The following NAALADL2 variants were observed in gnomAD, a reference collection of about 807,000 sequenced individuals.
NAALADL2 encodes inactive N-acetylated-alpha-linked acidic dipeptidase-like protein 2.
In NAALADL2, 76 loss-of-function variants were observed where a neutral mutation model predicts 87.2. The ratio of observed to expected loss-of-function variants is 0.87; its 90% CI spans 0.72 to 1.05. The LOEUF (loss-of-function observed/expected upper bound fraction) is 1.05, where lower values mean the gene tolerates loss of function less well. Ranked by LOEUF, NAALADL2 falls within the 50% of genes least tolerant of loss-of-function variation. The pLI, the probability that NAALADL2 is intolerant of heterozygous loss-of-function variation, is 0.00. For missense variants in NAALADL2, 1,089 were observed against 945.8 expected (o/e 1.15, Z -1.99); for synonymous variants, 354 against 331.0 (o/e 1.07, Z -0.75).
At chr3:175,694,479 G>A (rs913476229) in intron 11 of NAALADL2, among the ~76,000 whole-genome samples, 1 of 152,076 alleles carries the variant, frequency 6.6e-6, no homozygotes, top group Admixed American at 6.6e-5. Flanking sequence ...ACACAAGAGT[G>A]GTAAAAGAAT....
At chr3:175,758,984 CA>C (rs1185284521) in intron 13 of NAALADL2, among the ~76,000 whole-genome samples, 1 of 151,678 alleles carries the variant, frequency 6.6e-6, no homozygotes, top group Non-Finnish European at 1.5e-5. Flanking sequence ...GATCATGTCC[CA>C]AAAAAATATC....
chr3:174,865,006 G>T (rs1726970759), intron 1 of NAALADL2, among the ~76,000 whole-genome samples: 1 of 152,054 alleles, frequency 6.6e-6, no homozygotes. Context: ...GGAAAAGTAT[G>T]TGTCAATAGT....
At chr3:175,770,050 A>T (rs1749277075) in intron 13 of NAALADL2, among the ~76,000 whole-genome samples, 1 of 152,132 alleles carries the variant, frequency 6.6e-6, no homozygotes, top group African/African-American at 2.4e-5. Flanking sequence ...ATTTCCTTTA[A>T]AGTCAACTGA....
chr3:174,928,700 A>AT (rs1406065631), intron 1 of NAALADL2, among the ~76,000 whole-genome samples: 2 of 152,230 alleles, frequency 1.3e-5, no homozygotes, highest in Non-Finnish European at 2.9e-5. Context: ...AGGTCATCAC[A>AT]TTATAAAGTA....
At chr3:174,820,569 A>G (rs968765740) in intron 3 of NAALADL2, among the ~76,000 whole-genome samples, 1 of 152,168 alleles carries the variant, frequency 6.6e-6, no homozygotes, top group Non-Finnish European at 1.5e-5. Flanking sequence ...CTAAAAATGT[A>G]TATGGCATTT....
At chr3:174,567,329 A>C (rs911635469) in intron 2 of NAALADL2, among the ~76,000 whole-genome samples, 1 of 151,154 alleles carries the variant, frequency 6.6e-6, no homozygotes. Context: ...TTTGCATAAC[A>C]TATTTAATTT....
intron 2 of NAALADL2, among the ~76,000 whole-genome samples, chr3:174,561,448 C>G (rs979407097): frequency 6.6e-6 from 1 of 152,016 alleles, no homozygotes; most frequent in Non-Finnish European, 1.5e-5. Flanking sequence ...GATCCACCCT[C>G]CTCGGCCTCC....
chr3:175,019,625 T>C (rs989325987), intron 1 of NAALADL2, among the ~76,000 whole-genome samples: 2 of 151,972 alleles, frequency 1.3e-5, no homozygotes. Flanking sequence ...TTACCAGTGA[T>C]CTAATTTCAC....
At chr3:175,041,010 A>G (rs1754016919) in intron 1 of NAALADL2, among the ~76,000 whole-genome samples, 1 of 152,140 alleles carries the variant, frequency 6.6e-6, no homozygotes, top group Non-Finnish European at 1.5e-5. Context: ...TTTTTCTGTC[A>G]GCTTGAAAAG....
rs1553887808 is a variant in NAALADL2, at chr3:175,412,891, T to TTATTA, written c.1091-34337_1091-34336insATTAT. On this transcript the variant is annotated intron_variant, in intron 5 of 13. Transcript: ENST00000454872. ...GGAATCAGATTATTTATTTAATTTA[T>TTATTA]TTATTATTATTATTATTATTATTAT... Among the ~76,000 whole-genome samples, 28 of 123,008 alleles carry TTATTA rather than the reference T, an allele frequency of 2.3e-4. 1 individual carries two copies. Among genetic ancestry groups the TTATTA allele is most frequent in the South Asian group, 1.5e-3 (5 of 3,390 alleles). 80.7% of individuals were successfully genotyped at this position (123,008 alleles called of 152,430 possible). A position where few individuals can be genotyped will look rare whatever the true frequency, so the allele number is the denominator to read the frequency against.
At chr3:174,986,301 T>C (rs1305517548) in intron 1 of NAALADL2, among the ~76,000 whole-genome samples, 1 of 147,996 alleles carries the variant, frequency 6.8e-6, no homozygotes, top group Non-Finnish European at 1.5e-5. Context: ...ATATATATAA[T>C]ATATATACAC....
chr3:174,583,316 A>G (rs1323833005), intron 2 of NAALADL2, among the ~76,000 whole-genome samples: 1 of 152,174 alleles, frequency 6.6e-6, no homozygotes, highest in Non-Finnish European at 1.5e-5. Flanking sequence ...ATAATCACTA[A>G]AGTACCATGC....
At chr3:175,454,226 T>C (rs2149244519) in intron 6 of NAALADL2, among the ~76,000 whole-genome samples, 1 of 152,216 alleles carries the variant, frequency 6.6e-6, no homozygotes, top group Non-Finnish European at 1.5e-5. Flanking sequence ...GGTTTCTTCT[T>C]TGAATCACAT....
At chr3:174,567,725 A>AG (rs1263839475) in intron 2 of NAALADL2, among the ~76,000 whole-genome samples, 1 of 151,636 alleles carries the variant, frequency 6.6e-6, no homozygotes, top group African/African-American at 2.4e-5. Flanking sequence ...CAGTTTTGTC[A>AG]TTTATAAGAT....
chr3:175,720,966 TA>T (rs1400165307), intron 11 of NAALADL2, among the ~76,000 whole-genome samples: 1 of 152,086 alleles, frequency 6.6e-6, no homozygotes, highest in African/African-American at 2.4e-5. Context: ...AATGCAAGGA[TA>T]AAAGAACTAA....
intron 1 of NAALADL2, among the ~76,000 whole-genome samples, chr3:175,004,557 T>C (rs961095984): frequency 6.6e-6 from 1 of 151,984 alleles, no homozygotes; most frequent in Non-Finnish European, 1.5e-5. Flanking sequence ...TTGGTATTAA[T>C]GGTATGTCAT....
chr3:175,663,494 ATAAAACAACCTTATGTTTTGG>A (rs542933920), intron 11 of NAALADL2, among the ~76,000 whole-genome samples: 2,070 of 151,778 alleles, frequency 0.014, 53 homozygotes, highest in African/African-American at 0.047. Context: ...ATTTTTTTCA[ATAAAACAACCTTATGTTTTGG>A]TAATCTTTTC....
At chr3:175,457,477 G>A (rs1181530594) in intron 6 of NAALADL2, among the ~76,000 whole-genome samples, 3 of 152,020 alleles carry the variant, frequency 2.0e-5, no homozygotes, top group Non-Finnish European at 4.4e-5. Context: ...TCACTGATAC[G>A]TGTTGCCCAG....
At chr3:174,687,050 T>C (rs75520596) in intron 2 of NAALADL2, among the ~76,000 whole-genome samples, 2,860 of 152,154 alleles carry the variant, frequency 0.019, 95 homozygotes, top group African/African-American at 0.065. Context: ...CCACCCAGAA[T>C]GAAAGCCAGA....
Sources: gnomAD v4.1 joint callset for allele counts (sites outside exome capture counted in the v4.1 genomes callset) on GRCh38, gnomAD v4.1.1 for gene constraint, MANE v1.5 for transcripts, NCBI Gene and HGNC (gene_info 2026-07-23, HGNC 2026-07-21) for gene names.